MAGI2: variants seen among roughly 807,000 people sequenced by gnomAD.
The protein encoded by MAGI2 is membrane-associated guanylate kinase, WW and PDZ domain-containing protein 2.
A neutral mutation model predicts 133.3 loss-of-function variants in MAGI2; 35 were observed. That is an observed-to-expected ratio of 0.26 (90% CI 0.20 to 0.35). The LOEUF is 0.35. Ranked by LOEUF, MAGI2 falls within the 10% of genes least tolerant of loss-of-function variation. The pLI is 1.00. For missense variants in MAGI2, 1,636 were observed against 1,863.4 expected (o/e 0.88, Z 2.25); for synonymous variants, 729 against 710.6 (o/e 1.03, Z -0.41).
chr7:78,798,622 T>C (rs1170833043), intron 2 of MAGI2, among the ~76,000 whole-genome samples: 1 of 152,174 alleles, frequency 6.6e-6, no homozygotes, highest in Non-Finnish European at 1.5e-5. Flanking sequence ...ATCTTTAGGC[T>C]TCAGGATGAA....
intron 1 of MAGI2, among the ~76,000 whole-genome samples, chr7:79,257,121 A>G (rs1480641119): frequency 6.6e-6 from 1 of 152,112 alleles, no homozygotes; most frequent in Non-Finnish European, 1.5e-5. Flanking sequence ...TATATTTCAA[A>G]ACATCATACA....
chr7:78,466,245 C>G (rs1431357834), intron 6 of MAGI2, among the ~76,000 whole-genome samples: 1 of 152,192 alleles, frequency 6.6e-6, no homozygotes, highest in African/African-American at 2.4e-5. Context: ...CTTTGTGCTC[C>G]CTTTCCACTC....
rs1002124582 is a variant in MAGI2, at chr7:79,185,165, A to C, written c.302-177959T>G. Among the ~76,000 whole-genome samples the C allele has an allele frequency of 2.7e-4, 41 of 151,952 alleles. 1 individual carries two copies. Among genetic ancestry groups the C allele is most frequent in the African/African-American group, 9.9e-4 (41 of 41,394 alleles). ...TTAGAAATTGATGCTGAGAGAAATG[A>C]TTAAATTGTGAATAATGAGTTTGAC... On this transcript the variant is annotated intron_variant, in intron 1 of 21. Coordinates refer to ENST00000354212, the MANE Select transcript of MAGI2 (RefSeq NM_012301.4).
Position 79,409,192 on chromosome 7 carries a change from T to C in MAGI2, c.301+43828A>G, listed in dbSNP as rs1360836492. The stretch of plus-strand genomic sequence containing the variant: ...AATTATTCCTGCAAAGCAGCACAAC[T>C]AGGAACTTAATAGAGGGGCCAAAGA... On this transcript the variant is annotated intron_variant, in intron 1 of 21. Coordinates refer to ENST00000354212, the MANE Select transcript of MAGI2 (RefSeq NM_012301.4). Among the ~76,000 whole-genome samples, 6 of 152,150 alleles carry C rather than the reference T, an allele frequency of 3.9e-5. No homozygotes were observed. The East Asian group carries it at 9.6e-4, about 24-fold the overall frequency.
chr7:78,826,598 C>A (rs917568960), intron 2 of MAGI2, among the ~76,000 whole-genome samples: 1 of 152,032 alleles, frequency 6.6e-6, no homozygotes, highest in African/African-American at 2.4e-5. Context: ...TGACAATATG[C>A]ATTTGTCAAA....
intron 1 of MAGI2, among the ~76,000 whole-genome samples, chr7:79,296,207 G>A (rs1170342121): frequency 6.6e-6 from 1 of 152,086 alleles, no homozygotes; most frequent in East Asian, 1.9e-4. Context: ...TGATGCTATT[G>A]CTGGTCCTTT....
Position 78,924,931 on chromosome 7 carries a change from T to C in MAGI2, c.418+82159A>G, listed in dbSNP as rs1281765695. ...GTCCCCTACTTTTACTTCGAGGTCA[T>C]GCTTTAATAATTGTGCTCTCCAGGT... On this transcript the variant is annotated intron_variant, in intron 2 of 21. Coordinates refer to ENST00000354212, the MANE Select transcript of MAGI2 (RefSeq NM_012301.4). 2.0e-5 allele frequency among the ~76,000 whole-genome samples: 3 copies of C among 152,004 alleles called. No individual in the cohort carries two copies. In the East Asian group the frequency reaches 5.8e-4, roughly 29 times the overall value.
At chr7:78,750,352 G>A (rs542775865) in intron 2 of MAGI2, among the ~76,000 whole-genome samples, 7 of 152,216 alleles carry the variant, frequency 4.6e-5, no homozygotes, top group East Asian at 1.9e-4. Flanking sequence ...ATGTGTGTAC[G>A]TGTGCATGTG....
At chr7:79,296,893 A>T (rs895101743) in intron 1 of MAGI2, among the ~76,000 whole-genome samples, 1 of 152,340 alleles carries the variant, frequency 6.6e-6, no homozygotes, top group African/African-American at 2.4e-5. Flanking sequence ...GAATGATATC[A>T]CTACAAAGAA....
At chr7:78,143,517 A>C (rs987659162) in intron 16 of MAGI2, among the ~76,000 whole-genome samples, 1 of 152,288 alleles carries the variant, frequency 6.6e-6, no homozygotes, top group Non-Finnish European at 1.5e-5. Context: ...TAAAAATTGT[A>C]TAAAAATTTC....
chr7:78,808,574 C>T (rs773360918), intron 2 of MAGI2, among the ~76,000 whole-genome samples: 12 of 151,960 alleles, frequency 7.9e-5, no homozygotes, highest in Admixed American at 3.9e-4. Context: ...ATTTTCATGG[C>T]CTAGAATAAT....
intron 3 of MAGI2, among the ~76,000 whole-genome samples, chr7:78,590,407 A>T (rs1803877437): frequency 6.6e-6 from 1 of 152,218 alleles, no homozygotes; most frequent in Non-Finnish European, 1.5e-5. Context: ...TCATCTTTAC[A>T]AATTCCACAG....
At chr7:79,330,785 T>C (rs1222629916) in intron 1 of MAGI2, among the ~76,000 whole-genome samples, 1 of 152,108 alleles carries the variant, frequency 6.6e-6, no homozygotes, top group Admixed American at 6.6e-5. Flanking sequence ...ATATTAAACA[T>C]AATAATTTTA....
In MAGI2 at chr7:79,035,101, T is replaced by A. The variant is rs1392360179; in HGVS notation, c.302-27895A>T. 2.0e-5 allele frequency among the ~76,000 whole-genome samples: 3 copies of A among 151,904 alleles called. No homozygotes were observed. In the South Asian group the frequency reaches 6.2e-4, roughly 31 times the overall value. The stretch of plus-strand genomic sequence containing the variant: ...TTGACACATAATAAATTGAAAAGCA[T>A]GAAATCCTTGCTATAAAGTATTTGT... On this transcript the variant is annotated intron_variant, in intron 1 of 21. Transcript: ENST00000354212.
chr7:78,366,322 A>G (rs1793372825), intron 7 of MAGI2, among the ~76,000 whole-genome samples: 1 of 152,130 alleles, frequency 6.6e-6, no homozygotes, highest in Admixed American at 6.5e-5. Flanking sequence ...TTTATTTTAT[A>G]TTTATAATAC....
chr7:78,846,338 C>T (rs1254797788), intron 2 of MAGI2, among the ~76,000 whole-genome samples: 1 of 151,894 alleles, frequency 6.6e-6, no homozygotes, highest in Non-Finnish European at 1.5e-5. Flanking sequence ...TAATACACCG[C>T]AATTTTTAAC....
chr7:78,314,264 C>A (rs549253934), intron 9 of MAGI2, among the ~76,000 whole-genome samples: 1 of 152,220 alleles, frequency 6.6e-6, no homozygotes, highest in East Asian at 1.9e-4. Context: ...TCATAGGACA[C>A]AATGCAGATT....
At chr7:79,011,602 G>A (rs1428462801) in intron 1 of MAGI2, among the ~76,000 whole-genome samples, 6 of 152,230 alleles carry the variant, frequency 3.9e-5, no homozygotes, top group Middle Eastern at 3.4e-3. Context: ...GGAGAAAGCA[G>A]TTCACTAATT....
intron 10 of MAGI2, among the ~76,000 whole-genome samples, chr7:78,214,366 C>T (rs1788064424): frequency 6.6e-6 from 1 of 152,120 alleles, no homozygotes; most frequent in Admixed American, 6.5e-5. Flanking sequence ...AAAATACTTA[C>T]CTATTTTGTT....
Sources: gnomAD v4.1 joint callset for allele counts (sites outside exome capture counted in the v4.1 genomes callset) on GRCh38, gnomAD v4.1.1 for gene constraint, MANE v1.5 for transcripts, NCBI Gene and HGNC (gene_info 2026-07-23, HGNC 2026-07-21) for gene names.